The following METTL16 variants were observed in gnomAD, a reference collection of about 807,000 sequenced individuals.
The protein encoded by METTL16 is methyltransferase 16, RNA N6-adenosine.
METTL16 carries 19 observed loss-of-function variants against 57.9 expected under a neutral mutation model. That is an observed-to-expected ratio of 0.33 (90% CI 0.23 to 0.48). The LOEUF is 0.48. Ranked by LOEUF, METTL16 falls within the 20% of genes least tolerant of loss-of-function variation. The pLI is 0.99. For missense variants in METTL16, 434 were observed against 691.5 expected (o/e 0.63, Z 4.18); for synonymous variants, 246 against 255.6 (o/e 0.96, Z 0.36).
At chr17:2,459,009 G>A (rs1239798973) in intron 6 of METTL16, among the ~76,000 whole-genome samples, 1 of 151,958 alleles carries the variant, frequency 6.6e-6, no homozygotes, top group African/African-American at 2.4e-5. Context: ...GTGTCGCCAT[G>A]TGGCCCAGGC....
intron 7 of METTL16, 83 bp downstream of exon 7, chr17:2,441,407 A>G: frequency 1.0e-6 from 1 of 957,680 alleles, no homozygotes; most frequent in Admixed American, 3.2e-5. Flanking sequence ...ACAATGCAAT[A>G]TATCAATGTA....
chr17:2,423,480 A>C (rs1175899317), intron 8 of METTL16, among the ~76,000 whole-genome samples: 2 of 152,194 alleles, frequency 1.3e-5, no homozygotes, highest in African/African-American at 4.8e-5. Flanking sequence ...CTGAGAGCCT[A>C]ACGCTTTGCA....
chr17:2,477,944 C>G, intron 2 of METTL16, 59 bp from the exon 3 acceptor site: 2 of 1,463,338 alleles, frequency 1.4e-6, no homozygotes, highest in Non-Finnish European at 1.9e-6. Context: ...GTTGTACAAG[C>G]TCTACGGCAA....
At chr17:2,423,075 G>A (rs1359255061) in intron 8 of METTL16, among the ~76,000 whole-genome samples, 1 of 152,182 alleles carries the variant, frequency 6.6e-6, no homozygotes, top group Non-Finnish European at 1.5e-5. Flanking sequence ...GACTGCTACT[G>A]ATCATTCCAG....
chr17:2,497,271 G>A (rs1037641044), intron 2 of METTL16, among the ~76,000 whole-genome samples: 1 of 145,420 alleles, frequency 6.9e-6, no homozygotes, highest in Admixed American at 6.9e-5. Context: ...CTCCCAAAGT[G>A]CTGGGTTTAC....
intron 2 of METTL16, among the ~76,000 whole-genome samples, chr17:2,484,280 AC>A (rs1365809911): frequency 6.6e-6 from 1 of 152,362 alleles, no homozygotes; most frequent in East Asian, 1.9e-4. Flanking sequence ...CCAGTCCCTG[AC>A]AAGATAAAGA....
chr17:2,491,678 A>T (rs2044171), intron 2 of METTL16, among the ~76,000 whole-genome samples: 78,638 of 149,746 alleles, frequency 0.53, 20,554 homozygotes, highest in Admixed American at 0.58. Flanking sequence ...GATGGAGACC[A>T]TCCTGGCTAA....
chr17:2,443,276 G>T (rs2066967281), intron 6 of METTL16, among the ~76,000 whole-genome samples: 1 of 152,162 alleles, frequency 6.6e-6, no homozygotes, highest in Non-Finnish European at 1.5e-5. Context: ...GCGTGACAGA[G>T]AAATAGATAA....
chr17:2,448,789 T>TAAAAAAAAAAAAAAAAAAAAAAAAAA (rs1288709390), intron 6 of METTL16, among the ~76,000 whole-genome samples: 1 of 47,732 alleles, frequency 2.1e-5, no homozygotes, highest in Non-Finnish European at 5.3e-5. Context: ...AATAAAAAAA[T>TAAAAAAAAAAAAAAAAAAAAAAAAAA]AAAAATAAAA....
intron 2 of METTL16, among the ~76,000 whole-genome samples, chr17:2,483,019 G>T (rs1471702699): frequency 6.7e-6 from 1 of 148,916 alleles, no homozygotes; most frequent in Non-Finnish European, 1.5e-5. Flanking sequence ...AGATCATATA[G>T]TGTTAAAAAA....
chr17:2,475,728 G>A (rs2067264750), intron 3 of METTL16, among the ~76,000 whole-genome samples: 1 of 152,156 alleles, frequency 6.6e-6, no homozygotes, highest in South Asian at 2.1e-4. Context: ...AAATAAAAAT[G>A]GAAAGTACAT....
At position 2,489,749 on chromosome 17, in the gene METTL16, A is replaced by AAAAAAAAAAAAC. The variant is rs1555620741; in HGVS notation, c.129-11865_129-11864insGTTTTTTTTTTT. Among the ~76,000 whole-genome samples the AAAAAAAAAAAAC allele has an allele frequency of 6.2e-4, 92 of 148,060 alleles. 1 individual carries two copies. Among genetic ancestry groups the AAAAAAAAAAAAC allele is most frequent in the African/African-American group, 2.3e-3 (91 of 39,422 alleles). On this transcript the variant is annotated intron_variant, in intron 2 of 9. Coordinates refer to ENST00000263092, the MANE Select transcript of METTL16 (RefSeq NM_024086.4). ...GCGAGACTCAAAAAAAAAAAAAAAA[A>AAAAAAAAAAAAC]CGAATACTGCGATTTCCTAGCAATG...
Position 2,441,526 on chromosome 17 carries a change from G to T in METTL16, c.762C>A (p.Ser254Arg), listed in dbSNP as rs774493836. Reference sequence around the variant, plus strand: ...GAAGCTCCTCCTTCAGAGGCGCCAGGCTGCATTTCTTTCCCAGCATGCAGC... The same window carrying T: ...GAAGCTCCTCCTTCAGAGGCGCCAGTCTGCATTTCTTTCCCAGCATGCAGC... ...WYSCMLGKKC[S>R]LAPLKEELRI... Residue 254 changes from serine to arginine, a missense_variant, in exon 7 of 10, where the codon AGC (serine) becomes AGA (arginine). This residue lies in a region of METTL16 where 96 missense variants were observed against 138.3 expected (regional missense o/e 0.69). Coordinates refer to ENST00000263092, the MANE Select transcript of METTL16 (RefSeq NM_024086.4). 1 of 1,597,098 alleles carries T rather than the reference G, an allele frequency of 6.3e-7. No homozygotes were observed. Among genetic ancestry groups the T allele is most frequent in the East Asian group, 2.3e-5 (1 of 44,270 alleles).
chr17:2,438,505 TG>T (rs1329798052), intron 7 of METTL16, among the ~76,000 whole-genome samples: 3 of 152,200 alleles, frequency 2.0e-5, no homozygotes, highest in African/African-American at 7.2e-5. Context: ...TGAGTTTTTT[TG>T]TTTTTTGTTT....
At chr17:2,507,936 C>G (rs570712062) in intron 1 of METTL16, among the ~76,000 whole-genome samples, 121 of 152,248 alleles carry the variant, frequency 7.9e-4, no homozygotes, top group African/African-American at 2.4e-3. Flanking sequence ...CAGCATGCTC[C>G]TTAAGAGTCA....
At chr17:2,506,982 C>T (rs2067543574) in intron 1 of METTL16, among the ~76,000 whole-genome samples, 2 of 118,992 alleles carry the variant, frequency 1.7e-5, no homozygotes, top group South Asian at 6.0e-4. Flanking sequence ...ACCGCCCCGT[C>T]GGAGAAGTGA....
chr17:2,469,142 C>A (rs2067220943), intron 4 of METTL16, among the ~76,000 whole-genome samples: 1 of 152,082 alleles, frequency 6.6e-6, no homozygotes. Flanking sequence ...GAGGCTGAGG[C>A]AGGAGAATCA....
intron 8 of METTL16, among the ~76,000 whole-genome samples, chr17:2,437,005 C>G (rs1597442888): frequency 6.6e-6 from 1 of 151,902 alleles, no homozygotes; most frequent in African/African-American, 2.4e-5. Context: ...CCTCAGCCTC[C>G]GCAGCAGCTG....
intron 6 of METTL16, among the ~76,000 whole-genome samples, chr17:2,445,446 C>A (rs898339558): frequency 3.3e-5 from 5 of 152,046 alleles, no homozygotes; most frequent in African/African-American, 1.2e-4. Context: ...TTGTACCCCC[C>A]AAAAAATACA....
Sources: allele counts gnomAD v4.1 joint callset (sites outside exome capture counted in the v4.1 genomes callset), GRCh38; gene constraint gnomAD v4.1.1; regional missense constraint gnomAD v4.1.1; transcripts MANE v1.5; gene names NCBI Gene and HGNC (gene_info 2026-07-23, HGNC 2026-07-21).